Variants in COL19A1 observed in about 807,000 individuals in gnomAD.
The protein encoded by COL19A1 is collagen type XIX alpha 1 chain.
COL19A1 carries 159 observed loss-of-function variants against 190.2 expected under a neutral mutation model. That is an observed-to-expected ratio of 0.84 (90% CI 0.73 to 0.95). The LOEUF is 0.95. Among genes scored for constraint, COL19A1 ranks in the 40% least tolerant of loss-of-function variants. The pLI is 0.00. For missense variants in COL19A1, 1,418 were observed against 1,431.9 expected (o/e 0.99, Z 0.16); for synonymous variants, 509 against 458.9 (o/e 1.11, Z -1.39).
intron 14 of COL19A1, among the ~76,000 whole-genome samples, chr6:70,053,252 A>G (rs776570513): frequency 5.3e-5 from 8 of 152,204 alleles, no homozygotes; most frequent in Non-Finnish European, 1.0e-4. Context: ...TGATTTACTC[A>G]AGGACTTTTT....
At chr6:70,176,451 G>T in intron 41 of COL19A1, 69 bp from the exon 42 acceptor site, 1 of 1,490,092 alleles carries the variant, frequency 6.7e-7, no homozygotes, top group South Asian at 1.2e-5. Flanking sequence ...ATTATTATTT[G>T]AGAATTAATT....
chr6:70,016,706 A>G (rs1319216506), intron 11 of COL19A1, among the ~76,000 whole-genome samples: 1 of 152,064 alleles, frequency 6.6e-6, no homozygotes, highest in Non-Finnish European at 1.5e-5. Flanking sequence ...GCAAACTAAA[A>G]ATGGAAAAAA....
chr6:70,164,552 C>T (rs1365429599), intron 36 of COL19A1, among the ~76,000 whole-genome samples: 1 of 152,146 alleles, frequency 6.6e-6, no homozygotes, highest in African/African-American at 2.4e-5. Context: ...GCTTGCCCAA[C>T]CCCACTAGCC....
At chr6:69,867,422 G>C (rs1170154369) in intron 1 of COL19A1, 1 of 153,826 alleles carries the variant, frequency 6.5e-6, no homozygotes, top group Non-Finnish European at 1.5e-5. Flanking sequence ...TCCCAGTCGC[G>C]GCGCGAGGAA....
At chr6:70,060,785 G>A (rs781116249) in intron 14 of COL19A1, among the ~76,000 whole-genome samples, 12 of 152,058 alleles carry the variant, frequency 7.9e-5, no homozygotes, top group Non-Finnish European at 1.6e-4. Flanking sequence ...TAGAAATAAA[G>A]TGCACAAAAA....
chr6:70,034,327 C>A, intron 13 of COL19A1, 29 bp downstream of exon 13: 1 of 1,586,220 alleles, frequency 6.3e-7, no homozygotes, highest in Non-Finnish European at 8.7e-7. Context: ...CAAGCCCAAC[C>A]TTTCTTTAAG....
Position 69,959,991 on chromosome 6 carries a change from T to C in COL19A1, c.937-5T>C. 3 of 1,613,122 alleles carry C rather than the reference T, an allele frequency of 1.9e-6. No individual in the cohort carries two copies. The South Asian group carries it at 3.3e-5, about 18-fold the overall frequency. ...CATAAACATTATTCTGTGTACTTCT[T>C]TTAGGGTGAAAATGGTTTACATGGT... On this transcript the variant is annotated splice_region_variant and splice_polypyrimidine_tract_variant and intron_variant, in intron 9 of 50. Transcript: ENST00000620364.
intron 25 of COL19A1, 87 bp downstream of exon 25, chr6:70,145,094 G>A (rs1786536499): frequency 5.0e-6 from 5 of 1,009,298 alleles, no homozygotes; most frequent in Non-Finnish European, 4.6e-6. Flanking sequence ...ACAAGTATGG[G>A]AATAAGTTTA....
intron 46 of COL19A1, 125 bp downstream of exon 46, chr6:70,185,040 G>T: frequency 1.2e-6 from 1 of 819,154 alleles, no homozygotes; most frequent in Non-Finnish European, 1.8e-6. Flanking sequence ...TAGGGTGTAG[G>T]CGATCAAAGA....
chr6:70,016,059 C>G (rs867810548), intron 11 of COL19A1, among the ~76,000 whole-genome samples: 2 of 3,002 alleles, frequency 6.7e-4, no homozygotes, highest in Non-Finnish European at 6.4e-4. Context: ...AGTTCATATC[C>G]TTTGTAGGGA....
chr6:70,075,638 T>C (rs1310221849), intron 15 of COL19A1, among the ~76,000 whole-genome samples: 2 of 152,146 alleles, frequency 1.3e-5, no homozygotes, highest in African/African-American at 4.8e-5. Context: ...TCACAGGCCA[T>C]CCCTTAGATA....
At chr6:69,991,114 G>C (rs1276501719) in intron 11 of COL19A1, among the ~76,000 whole-genome samples, 1 of 151,896 alleles carries the variant, frequency 6.6e-6, no homozygotes, top group Non-Finnish European at 1.5e-5. Flanking sequence ...CTCAGTGTTT[G>C]GCTCCCACTA....
chr6:69,950,102 C>T (rs1774040021), intron 9 of COL19A1, among the ~76,000 whole-genome samples: 1 of 151,758 alleles, frequency 6.6e-6, no homozygotes, highest in African/African-American at 2.4e-5. Flanking sequence ...GCATATAAAT[C>T]ACATTATTCT....
chr6:70,062,676 A>G (rs2150143508), intron 14 of COL19A1, among the ~76,000 whole-genome samples: 1 of 152,270 alleles, frequency 6.6e-6, no homozygotes, highest in South Asian at 2.1e-4. Context: ...ATTAAAAGAC[A>G]CAGACTGGCA....
chr6:69,974,279 A>AG (rs1318748618), intron 11 of COL19A1: 1 of 152,212 alleles, frequency 6.6e-6, no homozygotes, highest in Non-Finnish European at 1.5e-5. Context: ...TCAAAACTCA[A>AG]GGCAAAATGG....
intron 17 of COL19A1, among the ~76,000 whole-genome samples, chr6:70,124,869 G>C (rs769579465): frequency 2.0e-4 from 31 of 152,074 alleles, no homozygotes; most frequent in Non-Finnish European, 2.8e-4. Context: ...ACTTTATTCT[G>C]TTTCCTTTGG....
intron 11 of COL19A1, among the ~76,000 whole-genome samples, chr6:70,004,037 T>G (rs1477807527): frequency 1.3e-5 from 2 of 152,218 alleles, no homozygotes; most frequent in African/African-American, 4.8e-5. Flanking sequence ...ATTCAATGCT[T>G]CTTTCAGGAG....
chr6:70,033,599 C>T (rs1488226729), intron 12 of COL19A1, among the ~76,000 whole-genome samples: 1 of 152,038 alleles, frequency 6.6e-6, no homozygotes, highest in Non-Finnish European at 1.5e-5. Flanking sequence ...ACTAAATACC[C>T]ATTAAAACAT....
intron 10 of COL19A1, among the ~76,000 whole-genome samples, chr6:69,960,294 G>A (rs1774696397): frequency 6.6e-6 from 1 of 152,054 alleles, no homozygotes. Flanking sequence ...TGCTTTCTGG[G>A]GTCCGTGATA....
Sources: allele counts gnomAD v4.1 joint callset (sites outside exome capture counted in the v4.1 genomes callset), GRCh38; gene constraint gnomAD v4.1.1; transcripts MANE v1.5; gene names NCBI Gene and HGNC (gene_info 2026-07-23, HGNC 2026-07-21).